Variants in CPED1 observed in about 807,000 individuals in gnomAD.
The protein encoded by CPED1 is cadherin like and PC-esterase domain containing 1.
Under a neutral mutation model 128.2 loss-of-function variants are expected in CPED1, and 114 were observed. That is an observed-to-expected ratio of 0.89 (90% CI 0.76 to 1.04). The LOEUF (loss-of-function observed/expected upper bound fraction) is 1.04. CPED1 is among the 50% of genes least tolerant of loss of function. The pLI is 0.00. For missense variants in CPED1, 1,211 were observed against 1,207.1 expected, an observed-to-expected ratio of 1.00 and a Z score of -0.05; for synonymous variants, 462 against 426.7, an observed-to-expected ratio of 1.08 and a Z score of -1.02.
At chr7:121,218,649 T>A (rs573795034) in intron 16 of CPED1, among the ~76,000 whole-genome samples, 1 of 151,966 alleles carries the variant, frequency 6.6e-6, no homozygotes, top group East Asian at 1.9e-4. Flanking sequence ...AAGTGGGAGT[T>A]GAACAATGAG....
intron 5 of CPED1, among the ~76,000 whole-genome samples, chr7:121,067,586 G>A (rs1316888842): frequency 3.3e-5 from 5 of 152,170 alleles, no homozygotes. Flanking sequence ...GTGTGCATAT[G>A]TCTTTATAGC....
intron 17 of CPED1, among the ~76,000 whole-genome samples, chr7:121,242,142 T>C (rs145741033): frequency 7.9e-5 from 12 of 152,322 alleles, no homozygotes; most frequent in Admixed American, 7.2e-4. Flanking sequence ...CACACAGATA[T>C]TTTTACTCCA....
At position 121,088,796 on chromosome 7, in the gene CPED1, A is replaced by G. The variant is rs191065742; in HGVS notation, c.617-8903A>G. 1.6e-3 allele frequency among the ~76,000 whole-genome samples: 242 copies of G among 146,866 alleles called. 3 individuals are homozygous for G. The highest frequency in any genetic ancestry group is 6.0e-3 in the African/African-American group (236 of 39,612). On this transcript the variant is annotated intron_variant, in intron 5 of 22. Coordinates refer to ENST00000310396, the MANE Select transcript of CPED1 (RefSeq NM_024913.5). ...AAAAAAAAAAAAAAAAAAAAAATTGAAAGTGTAATAATCTCATTAACATCT... is the reference window on the plus strand; with the variant it reads ...AAAAAAAAAAAAAAAAAAAAAATTGGAAGTGTAATAATCTCATTAACATCT...
chr7:121,065,449 A>G (rs139353202), intron 5 of CPED1, among the ~76,000 whole-genome samples: 226 of 152,298 alleles, frequency 1.5e-3, no homozygotes, highest in African/African-American at 5.3e-3. Flanking sequence ...ATACAATATT[A>G]AAATATCCAG....
chr7:121,203,235 A>G (rs900455376), intron 16 of CPED1, among the ~76,000 whole-genome samples: 3 of 152,000 alleles, frequency 2.0e-5, no homozygotes, highest in African/African-American at 7.2e-5. Context: ...TCCCTTCTCT[A>G]AGACGGAGCT....
chr7:120,993,637 A>G (rs1372607916), intron 2 of CPED1, among the ~76,000 whole-genome samples: 4 of 152,350 alleles, frequency 2.6e-5, no homozygotes, highest in Admixed American at 2.6e-4. Flanking sequence ...CAGGTTTTCT[A>G]GAAATAGAAC....
chr7:121,286,739 G>C (rs535697672), intron 22 of CPED1, among the ~76,000 whole-genome samples: 3 of 152,278 alleles, frequency 2.0e-5, no homozygotes, highest in African/African-American at 7.2e-5. Flanking sequence ...AAAGGCTGCA[G>C]ATGGAAAAAT....
At chr7:121,233,503 G>A (rs1027322352) in intron 16 of CPED1, among the ~76,000 whole-genome samples, 8 of 151,884 alleles carry the variant, frequency 5.3e-5, no homozygotes, top group African/African-American at 1.9e-4. Flanking sequence ...GAGCCATGAT[G>A]GTACCAGTGT....
At chr7:121,109,141 A>T (rs1329629388) in intron 7 of CPED1, among the ~76,000 whole-genome samples, 1 of 152,048 alleles carries the variant, frequency 6.6e-6, no homozygotes, top group Admixed American at 6.6e-5. Flanking sequence ...ATAGAACTGA[A>T]AATTTGTGTT....
At chr7:121,034,687 A>G (rs1335647413) in intron 3 of CPED1, among the ~76,000 whole-genome samples, 1 of 152,138 alleles carries the variant, frequency 6.6e-6, no homozygotes, top group Admixed American at 6.6e-5. Flanking sequence ...TCAAAGAACA[A>G]TTGGGCAGAG....
intron 16 of CPED1, among the ~76,000 whole-genome samples, chr7:121,187,317 G>C (rs73436043): frequency 0.03 from 4,545 of 152,272 alleles, 212 homozygotes; most frequent in African/African-American, 0.1. Context: ...TTTGAGAAAG[G>C]CTGCAGTAAG....
At chr7:121,246,381 T>G (rs879778424) in intron 18 of CPED1, among the ~76,000 whole-genome samples, 2 of 152,154 alleles carry the variant, frequency 1.3e-5, no homozygotes, top group Non-Finnish European at 2.9e-5. Flanking sequence ...CTGGGTGGCT[T>G]AAAGACCAGA....
At chr7:121,278,200 T>C (rs1792367425) in intron 22 of CPED1, among the ~76,000 whole-genome samples, 1 of 152,144 alleles carries the variant, frequency 6.6e-6, no homozygotes, top group African/African-American at 2.4e-5. Flanking sequence ...GGAAAGACTT[T>C]GGCATGTTTT....
At position 121,225,643 on chromosome 7, in the gene CPED1, A is replaced by G. The variant is rs545695333; in HGVS notation, c.2056-11071A>G. ...TCAAACATAGATTTGGTCTTTTCAC[A>G]TAGTCCCATATTTCTTGGAGGCTTT... On this transcript the variant is annotated intron_variant, in intron 16 of 22. Transcript: ENST00000310396. Among the ~76,000 whole-genome samples, 4 of 152,208 alleles carry G rather than the reference A, an allele frequency of 2.6e-5. No individual in the cohort carries two copies. The South Asian group carries it at 8.3e-4, about 32-fold the overall frequency.
chr7:121,152,054 CT>C (rs749400767), intron 16 of CPED1, among the ~76,000 whole-genome samples: 1 of 152,126 alleles, frequency 6.6e-6, no homozygotes, highest in Non-Finnish European at 1.5e-5. Flanking sequence ...CTAATTTGTC[CT>C]TTTTTTCTTT....
In CPED1 at chr7:121,015,698, C is replaced by T; in HGVS notation, c.283C>T (p.His95Tyr). ...KESMETHFGS[H>Y]GRRAILYRPP... ...ATCAATGGAGACACACTTTGGCAGCCATGGCCGAAGGGCCATACTCTACAG... is the reference window on the plus strand; with the variant it reads ...ATCAATGGAGACACACTTTGGCAGCTATGGCCGAAGGGCCATACTCTACAG... The change falls in exon 3 of 23, where the codon CAT becomes TAT. Residue 95 changes from histidine to tyrosine, a missense_variant. His to Tyr is a moderately conservative substitution (Grantham distance 83, BLOSUM62 2). Transcript: ENST00000310396. 6.2e-7 allele frequency: 1 copy of T among 1,602,128 alleles called. No homozygotes were observed. The highest frequency in any genetic ancestry group is 8.5e-7 in the Non-Finnish European group (1 of 1,176,398).
At chr7:121,098,747 A>ATATATATAAATAT (rs1164776896) in intron 6 of CPED1, among the ~76,000 whole-genome samples, 1,413 of 9,174 alleles carry the variant, frequency 0.15, 47 homozygotes, top group African/African-American at 0.21. Flanking sequence ...TATATATAAA[A>ATATATATAAATAT]ATATATAAAA....
intron 7 of CPED1, among the ~76,000 whole-genome samples, chr7:121,111,307 C>T (rs764178152): frequency 6.6e-6 from 1 of 152,138 alleles, no homozygotes; most frequent in African/African-American, 2.4e-5. Flanking sequence ...CACTGTAACC[C>T]CTATTTCCAA....
At chr7:121,158,444 C>G (rs1483633428) in intron 16 of CPED1, among the ~76,000 whole-genome samples, 1 of 152,190 alleles carries the variant, frequency 6.6e-6, no homozygotes, top group African/African-American at 2.4e-5. Flanking sequence ...CCTTTCATAA[C>G]CAGAGCACAA....
Sources: allele counts gnomAD v4.1 joint callset (sites outside exome capture counted in the v4.1 genomes callset), GRCh38; gene constraint gnomAD v4.1.1; transcripts MANE v1.5; gene names NCBI Gene and HGNC (gene_info 2026-07-23, HGNC 2026-07-21).